TAFA4: variants seen among roughly 807,000 people sequenced by gnomAD.
TAFA4 encodes chemokine-like protein TAFA-4.
TAFA4 carries 20 observed loss-of-function variants against 21.1 expected under a neutral mutation model. The observed-to-expected ratio is 0.95, with a 90% CI of 0.67 to 1.38. The LOEUF is 1.38. Among genes scored for constraint, TAFA4 ranks in the 40% most tolerant of loss-of-function variants. The pLI is 0.00. For missense variants in TAFA4, 211 were observed against 180.9 expected (o/e 1.17, Z -0.95); for synonymous variants, 71 against 67.4 (o/e 1.05, Z -0.26).
At chr3:68,865,542 T>C (rs1387260907) in intron 3 of TAFA4, among the ~76,000 whole-genome samples, 5 of 152,136 alleles carry the variant, frequency 3.3e-5, no homozygotes, top group Non-Finnish European at 7.4e-5. Context: ...CCTTTTCTCC[T>C]CCTTTGCCTT....
chr3:68,751,419 G>A (rs1025620296), intron 4 of TAFA4, among the ~76,000 whole-genome samples: 2 of 152,182 alleles, frequency 1.3e-5, no homozygotes, highest in Non-Finnish European at 2.9e-5. Flanking sequence ...CAGTGGGGAT[G>A]GAGAAAAGTG....
At chr3:68,869,895 A>C (rs1458190949) in intron 3 of TAFA4, among the ~76,000 whole-genome samples, 5 of 152,142 alleles carry the variant, frequency 3.3e-5, no homozygotes, top group Non-Finnish European at 7.4e-5. Flanking sequence ...AGGGCATCCA[A>C]ATTGGAAAGG....
rs2106928649 is a variant in TAFA4, at chr3:68,865,249, T to C, written c.130+15481A>G. Reference sequence around the variant, plus strand: ...AGCACTCAGATTATCACCAGTAATATCCCACAATTTATTTTTTTTTTAATT... The same window carrying C: ...AGCACTCAGATTATCACCAGTAATACCCCACAATTTATTTTTTTTTTAATT... On this transcript the variant is annotated intron_variant, in intron 3 of 5. Transcript: ENST00000295569. 2.0e-5 allele frequency among the ~76,000 whole-genome samples: 3 copies of C among 152,054 alleles called. No homozygotes were observed. The Middle Eastern group carries it at 0.01, about 517-fold the overall frequency.
chr3:68,748,397 C>T (rs578020664), intron 4 of TAFA4, among the ~76,000 whole-genome samples: 1 of 152,336 alleles, frequency 6.6e-6, no homozygotes, highest in Admixed American at 6.5e-5. Context: ...AGCCATGAAA[C>T]TTGTCTGCAG....
At chr3:68,766,381 C>T (rs1702855151) in intron 3 of TAFA4, among the ~76,000 whole-genome samples, 1 of 151,994 alleles carries the variant, frequency 6.6e-6, no homozygotes, top group Non-Finnish European at 1.5e-5. Flanking sequence ...AAATACCACA[C>T]ATCAAATCCA....
chr3:68,801,116 C>T (rs958658145), intron 3 of TAFA4, among the ~76,000 whole-genome samples: 1 of 152,148 alleles, frequency 6.6e-6, no homozygotes, highest in African/African-American at 2.4e-5. Flanking sequence ...GGATTTAAAT[C>T]CCAAGAAAGT....
intron 1 of TAFA4, among the ~76,000 whole-genome samples, chr3:68,903,273 C>T (rs1018728355): frequency 1.3e-5 from 2 of 151,938 alleles, no homozygotes; most frequent in African/African-American, 4.8e-5. Context: ...GGTCCTTGCA[C>T]AGAATCAGGG....
chr3:68,821,826 G>C (rs1042532074), intron 3 of TAFA4, among the ~76,000 whole-genome samples: 1 of 152,116 alleles, frequency 6.6e-6, no homozygotes, highest in Non-Finnish European at 1.5e-5. Context: ...AGAAAAATGA[G>C]AAAATATTGA....
chr3:68,873,692 A>G (rs2089515186), intron 3 of TAFA4, among the ~76,000 whole-genome samples: 1 of 152,158 alleles, frequency 6.6e-6, no homozygotes, highest in Admixed American at 6.5e-5. Context: ...AAATCCAACC[A>G]GCCTTTGAAA....
chr3:68,827,333 C>T (rs1183617586), intron 3 of TAFA4, among the ~76,000 whole-genome samples: 2 of 151,990 alleles, frequency 1.3e-5, no homozygotes, highest in Middle Eastern at 3.2e-3. Context: ...ATGAATAGTG[C>T]CACAAGAAAC....
At chr3:68,906,432 A>G (rs768409415) in intron 1 of TAFA4, among the ~76,000 whole-genome samples, 3 of 152,228 alleles carry the variant, frequency 2.0e-5, no homozygotes, top group Non-Finnish European at 4.4e-5. Context: ...GATGTACCAA[A>G]TACTATGTTG....
In TAFA4 at chr3:68,768,768, AGT is replaced by A. The variant is rs1702901749; in HGVS notation, c.131-15752_131-15751del. Among the ~76,000 whole-genome samples the A allele has an allele frequency of 3.3e-5, 5 of 152,330 alleles. No individual in the cohort carries two copies. In the South Asian group the frequency reaches 1.0e-3, roughly 32 times the overall value. On this transcript the variant is annotated intron_variant, in intron 3 of 5. Transcript: ENST00000295569. ...GGCATACTATCGGGTCATTTAAAAAAGTAAAATCCTGTCATTGGTGACAACAT... is the reference window on the plus strand; with the variant it reads ...GGCATACTATCGGGTCATTTAAAAAAAAAATCCTGTCATTGGTGACAACAT...
At chr3:68,826,825 G>T (rs952610044) in intron 3 of TAFA4, among the ~76,000 whole-genome samples, 1 of 151,976 alleles carries the variant, frequency 6.6e-6, no homozygotes, top group Non-Finnish European at 1.5e-5. Context: ...TCTTACTCAG[G>T]AATATTATAA....
At chr3:68,826,673 G>A (rs1704247452) in intron 3 of TAFA4, among the ~76,000 whole-genome samples, 1 of 151,864 alleles carries the variant, frequency 6.6e-6, no homozygotes, top group African/African-American at 2.4e-5. Flanking sequence ...TTTGAGGGTA[G>A]AATAGTAGGC....
intron 1 of TAFA4, among the ~76,000 whole-genome samples, chr3:68,896,217 G>C (rs545908630): frequency 1.3e-5 from 2 of 152,272 alleles, no homozygotes; most frequent in African/African-American, 4.8e-5. Flanking sequence ...TGTGCTGTTA[G>C]AATTTTATTC....
At chr3:68,809,421 G>A (rs571328007) in intron 3 of TAFA4, among the ~76,000 whole-genome samples, 1 of 151,838 alleles carries the variant, frequency 6.6e-6, no homozygotes, top group Admixed American at 6.6e-5. Context: ...AAATATAATT[G>A]GTTGCCAATA....
At chr3:68,862,447 A>G (rs2089357067) in intron 3 of TAFA4, among the ~76,000 whole-genome samples, 1 of 152,132 alleles carries the variant, frequency 6.6e-6, no homozygotes, top group Admixed American at 6.6e-5. Context: ...GCAGCATACC[A>G]CATAATGGTT....
chr3:68,740,156 C>T (rs889555620), intron 4 of TAFA4, among the ~76,000 whole-genome samples: 2 of 152,144 alleles, frequency 1.3e-5, no homozygotes, highest in African/African-American at 2.4e-5. Flanking sequence ...TAGATCCTCA[C>T]CCCAGGATGT....
chr3:68,795,328 T>C (rs1354754533), intron 3 of TAFA4, among the ~76,000 whole-genome samples: 1 of 151,548 alleles, frequency 6.6e-6, no homozygotes, highest in Non-Finnish European at 1.5e-5. Flanking sequence ...ACACATCCAA[T>C]TTCCCTTTAA....
Sources: gnomAD v4.1 joint callset for allele counts (sites outside exome capture counted in the v4.1 genomes callset) on GRCh38, gnomAD v4.1.1 for gene constraint, MANE v1.5 for transcripts, NCBI Gene and HGNC (gene_info 2026-07-23, HGNC 2026-07-21) for gene names.